CREB5: variants seen among roughly 807,000 people sequenced by gnomAD.
CREB5 encodes cyclic AMP-responsive element-binding protein 5.
Under a neutral mutation model 57.1 loss-of-function variants are expected in CREB5, and 19 were observed. The observed-to-expected ratio is 0.33, with a 90% CI of 0.23 to 0.49. The LOEUF (loss-of-function observed/expected upper bound fraction) is 0.49, where lower values mean the gene tolerates loss of function less well. CREB5 is among the 20% of genes least tolerant of loss of function. CREB5 has a pLI of 0.99. For synonymous variants in CREB5, 238 were observed against 238.3 expected (o/e 1.00, Z 0.01); for missense variants, 579 against 671.6 (o/e 0.86, Z 1.52).
chr7:28,648,157 G>C (rs929977802), intron 5 of CREB5, among the ~76,000 whole-genome samples: 1 of 152,108 alleles, frequency 6.6e-6, no homozygotes, highest in Non-Finnish European at 1.5e-5. Flanking sequence ...TTTATACCTG[G>C]TGAGAGGGTC....
At chr7:28,562,109 A>G (rs1173787281) in intron 4 of CREB5, among the ~76,000 whole-genome samples, 2 of 152,242 alleles carry the variant, frequency 1.3e-5, no homozygotes, top group Admixed American at 6.5e-5. Context: ...GGATACGTCA[A>G]TCACAGAAAT....
intron 1 of CREB5, among the ~76,000 whole-genome samples, chr7:28,317,373 C>T (rs1785403013): frequency 6.6e-6 from 1 of 152,218 alleles, no homozygotes; most frequent in African/African-American, 2.4e-5. Flanking sequence ...GTTTTTCCTT[C>T]ATTCCACCTG....
At chr7:28,642,750 A>C (rs1798706226) in intron 5 of CREB5, among the ~76,000 whole-genome samples, 1 of 152,154 alleles carries the variant, frequency 6.6e-6, no homozygotes, top group African/African-American at 2.4e-5. Context: ...TAACAAAGTT[A>C]TTTGCAGTCC....
At chr7:28,386,314 C>A (rs892968894) in intron 1 of CREB5, among the ~76,000 whole-genome samples, 1 of 152,100 alleles carries the variant, frequency 6.6e-6, no homozygotes, top group Non-Finnish European at 1.5e-5. Flanking sequence ...ATGTAAAATT[C>A]TATGATGATC....
At chr7:28,373,092 C>A (rs1272728467) in intron 1 of CREB5, among the ~76,000 whole-genome samples, 1 of 152,150 alleles carries the variant, frequency 6.6e-6, no homozygotes, top group Non-Finnish European at 1.5e-5. Flanking sequence ...CGTCTGGACT[C>A]CAGCTCTAAT....
At chr7:28,649,921 T>C (rs999776127) in intron 5 of CREB5, among the ~76,000 whole-genome samples, 1 of 152,154 alleles carries the variant, frequency 6.6e-6, no homozygotes, top group Non-Finnish European at 1.5e-5. Flanking sequence ...CTTAGGACAA[T>C]ATCAAGAACA....
At chr7:28,449,040 T>C (rs1425334771) in intron 1 of CREB5, among the ~76,000 whole-genome samples, 1 of 152,202 alleles carries the variant, frequency 6.6e-6, no homozygotes, top group South Asian at 2.1e-4. Flanking sequence ...TTACCTTTTT[T>C]AAAATGGCAT....
At chr7:28,780,008 ATCTGCCCTCC>A (rs759771332) in intron 7 of CREB5, among the ~76,000 whole-genome samples, 6 of 152,176 alleles carry the variant, frequency 3.9e-5, no homozygotes, top group Non-Finnish European at 8.8e-5. Context: ...AGCTCAAGCG[ATCTGCCCTCC>A]TCAGCCTCCC....
intron 1 of CREB5, among the ~76,000 whole-genome samples, chr7:28,347,698 T>C (rs533759037): frequency 6.6e-6 from 1 of 152,324 alleles, no homozygotes; most frequent in East Asian, 1.9e-4. Context: ...CAATTTCACT[T>C]TGGCATCCTT....
At chr7:28,511,485 A>AT (rs1792698479) in intron 4 of CREB5, among the ~76,000 whole-genome samples, 1 of 152,012 alleles carries the variant, frequency 6.6e-6, no homozygotes, top group African/African-American at 2.4e-5. Context: ...CTATAGGACA[A>AT]TTTTTTGGGC....
chr7:28,637,907 G>A (rs1034527711), intron 5 of CREB5, among the ~76,000 whole-genome samples: 3 of 152,136 alleles, frequency 2.0e-5, no homozygotes, highest in Non-Finnish European at 4.4e-5. Flanking sequence ...GACTAGGTAT[G>A]GAAATGAAAA....
intron 5 of CREB5, among the ~76,000 whole-genome samples, chr7:28,624,178 A>G (rs956766197): frequency 6.6e-6 from 1 of 152,254 alleles, no homozygotes; most frequent in Non-Finnish European, 1.5e-5. Flanking sequence ...GAGGCCAATT[A>G]AATAAGGAAA....
At chr7:28,777,809 A>G (rs1806747310) in intron 7 of CREB5, among the ~76,000 whole-genome samples, 3 of 152,206 alleles carry the variant, frequency 2.0e-5, no homozygotes, top group African/African-American at 7.2e-5. Flanking sequence ...TGTGTTAACA[A>G]CAAAAACAAT....
chr7:28,330,209 C>T (rs1337134147), intron 1 of CREB5, among the ~76,000 whole-genome samples: 1 of 152,166 alleles, frequency 6.6e-6, no homozygotes, highest in Non-Finnish European at 1.5e-5. Flanking sequence ...TTGAAGGTTT[C>T]CTTGGTATCG....
chr7:28,538,379 T>A (rs1472056718), intron 4 of CREB5, among the ~76,000 whole-genome samples: 2 of 151,398 alleles, frequency 1.3e-5, no homozygotes, highest in Non-Finnish European at 2.9e-5. Flanking sequence ...ACTAGACACA[T>A]GGACTCTGTC....
intron 1 of CREB5, among the ~76,000 whole-genome samples, chr7:28,438,637 C>T (rs1789056764): frequency 1.3e-5 from 2 of 152,118 alleles, no homozygotes; most frequent in South Asian, 4.1e-4. Flanking sequence ...ACATGTGAAG[C>T]TTTCTTGTGT....
chr7:28,446,813 A>G (rs1789501712), intron 1 of CREB5, among the ~76,000 whole-genome samples: 1 of 152,122 alleles, frequency 6.6e-6, no homozygotes, highest in Non-Finnish European at 1.5e-5. Context: ...AAACAAAACA[A>G]AAGTAAAAGA....
intron 1 of CREB5, among the ~76,000 whole-genome samples, chr7:28,427,934 A>G (rs1204763665): frequency 6.6e-6 from 1 of 152,210 alleles, no homozygotes; most frequent in Non-Finnish European, 1.5e-5. Flanking sequence ...CCAAACAAAC[A>G]AAATCTCCAC....
chr7:28,567,577 CAAG>C (rs1214124092), intron 4 of CREB5, among the ~76,000 whole-genome samples: 3 of 152,154 alleles, frequency 2.0e-5, no homozygotes, highest in African/African-American at 4.8e-5. Flanking sequence ...ATCAAATAAT[CAAG>C]AAGAATTGTA....
Sources: allele counts gnomAD v4.1 joint callset (sites outside exome capture counted in the v4.1 genomes callset), GRCh38; gene constraint gnomAD v4.1.1; transcripts MANE v1.5; gene names NCBI Gene and HGNC (gene_info 2026-07-23, HGNC 2026-07-21).